The following CNTNAP4 variants were observed in gnomAD, a reference collection of about 807,000 sequenced individuals.
CNTNAP4 encodes the protein contactin associated protein family member 4.
CNTNAP4 carries 98 observed loss-of-function variants against 148.4 expected under a neutral mutation model. The observed-to-expected ratio is 0.66, with a 90% CI of 0.56 to 0.78. CNTNAP4 has a LOEUF of 0.78. CNTNAP4 is among the 30% of genes least tolerant of loss of function. The pLI is 0.00. For missense variants in CNTNAP4, 1,935 were observed against 1,565.6 expected (o/e 1.24, Z -3.98); for synonymous variants, 730 against 565.1 (o/e 1.29, Z -4.14).
intron 23 of CNTNAP4, chr16:76,557,607 C>G (rs1428476031): frequency 6.6e-6 from 1 of 152,104 alleles, no homozygotes; most frequent in Non-Finnish European, 1.5e-5. Flanking sequence ...CTACAATTGT[C>G]TGGCAGTGTA....
intron 2 of CNTNAP4, among the ~76,000 whole-genome samples, chr16:76,318,635 A>G (rs1962064181): frequency 6.6e-6 from 1 of 151,350 alleles, no homozygotes. Context: ...TCAGTGATTT[A>G]TTAAAGGCTA....
intron 12 of CNTNAP4, among the ~76,000 whole-genome samples, chr16:76,482,008 T>A (rs957379406): frequency 8.8e-5 from 9 of 102,046 alleles, no homozygotes; most frequent in African/African-American, 1.5e-4. Flanking sequence ...TTTATTTTTT[T>A]ATTTTTTTTT....
intron 2 of CNTNAP4, among the ~76,000 whole-genome samples, chr16:76,326,233 A>T (rs930656309): frequency 6.6e-6 from 1 of 152,326 alleles, no homozygotes; most frequent in African/African-American, 2.4e-5. Flanking sequence ...TAAACAAAAT[A>T]CTAGCGTACA....
intron 4 of CNTNAP4, among the ~76,000 whole-genome samples, chr16:76,436,056 C>T (rs2079813832): frequency 6.6e-6 from 1 of 152,070 alleles, no homozygotes; most frequent in Admixed American, 6.6e-5. Context: ...CCCGCCAGGA[C>T]TTTAGTCTAG....
intron 1 of CNTNAP4, among the ~76,000 whole-genome samples, chr16:76,290,599 A>G (rs910640256): frequency 6.6e-6 from 1 of 152,148 alleles, no homozygotes; most frequent in African/African-American, 2.4e-5. Flanking sequence ...AACAATTTCA[A>G]GAAAAGGGTA....
chr16:76,353,900 C>T (rs1041243161), intron 2 of CNTNAP4, among the ~76,000 whole-genome samples: 5 of 152,168 alleles, frequency 3.3e-5, no homozygotes, highest in Non-Finnish European at 7.3e-5. Context: ...GGCATACGCC[C>T]TACCATAACA....
In CNTNAP4 at chr16:76,497,775, T is replaced by A. The variant is rs547670237; in HGVS notation, c.2238-792T>A. On this transcript the variant is annotated intron_variant, in intron 14 of 23. Coordinates refer to ENST00000611870, the MANE Select transcript of CNTNAP4 (RefSeq NM_033401.5). ...GGTTGATGGGTGCAGCAAACTACCA[T>A]GGCCCGTGTATACCTGAGTAACAAA... is the stretch of plus-strand genomic sequence containing the variant. Among the ~76,000 whole-genome samples the A allele has an allele frequency of 4.6e-5, 7 of 152,206 alleles. 1 individual carries two copies. In the South Asian group the frequency reaches 1.5e-3, roughly 32 times the overall value.
intron 2 of CNTNAP4, among the ~76,000 whole-genome samples, chr16:76,330,365 G>A (rs1281221711): frequency 6.6e-6 from 1 of 152,056 alleles, no homozygotes; most frequent in African/African-American, 2.4e-5. Context: ...TCTATGCAAG[G>A]TTATTTAGGA....
chr16:76,289,944 T>A (rs896950551), intron 1 of CNTNAP4, among the ~76,000 whole-genome samples: 1 of 152,222 alleles, frequency 6.6e-6, no homozygotes, highest in African/African-American at 2.4e-5. Context: ...GTATTTAGAT[T>A]CTGCTCACGT....
intron 15 of CNTNAP4, among the ~76,000 whole-genome samples, chr16:76,503,450 A>G (rs1278674633): frequency 6.6e-6 from 1 of 152,252 alleles, no homozygotes; most frequent in Non-Finnish European, 1.5e-5. Flanking sequence ...CTTTCTAGGT[A>G]GAAAATCTCA....
At chr16:76,315,470 G>A (rs923595310) in intron 1 of CNTNAP4, among the ~76,000 whole-genome samples, 2 of 152,196 alleles carry the variant, frequency 1.3e-5, no homozygotes, top group African/African-American at 2.4e-5. Context: ...CACGAGCAAT[G>A]TGTCAGAGTT....
At chr16:76,365,051 A>G (rs1016454459) in intron 3 of CNTNAP4, among the ~76,000 whole-genome samples, 1 of 152,144 alleles carries the variant, frequency 6.6e-6, no homozygotes, top group Non-Finnish European at 1.5e-5. Context: ...TAATTTTTGC[A>G]TAAGGTGTGA....
intron 1 of CNTNAP4, among the ~76,000 whole-genome samples, chr16:76,314,660 A>C (rs908901324): frequency 3.3e-5 from 5 of 152,210 alleles, no homozygotes; most frequent in South Asian, 4.1e-4. Flanking sequence ...AAACGTTATC[A>C]ATCGGTTCCC....
intron 3 of CNTNAP4, among the ~76,000 whole-genome samples, chr16:76,416,066 C>G (rs184863577): frequency 6.6e-6 from 1 of 150,810 alleles, no homozygotes; most frequent in African/African-American, 2.4e-5. Context: ...TTATCTTCTG[C>G]CTTTCTTCTT....
intron 15 of CNTNAP4, among the ~76,000 whole-genome samples, chr16:76,516,083 C>G (rs1198502011): frequency 2.0e-5 from 3 of 151,670 alleles, no homozygotes; most frequent in African/African-American, 7.3e-5. Context: ...TTAATGCTGT[C>G]CCTCCCCTTG....
intron 8 of CNTNAP4, among the ~76,000 whole-genome samples, chr16:76,455,319 T>G (rs2080684100): frequency 6.6e-6 from 1 of 152,218 alleles, no homozygotes; most frequent in Admixed American, 6.5e-5. Context: ...AAAATCAGGC[T>G]TATAACCATG....
intron 9 of CNTNAP4, among the ~76,000 whole-genome samples, chr16:76,464,181 C>G (rs1446806437): frequency 6.6e-6 from 1 of 152,184 alleles, no homozygotes; most frequent in African/African-American, 2.4e-5. Context: ...TTCCAAGAAG[C>G]CCACTTAGGG....
chr16:76,400,624 C>G (rs192585218), intron 3 of CNTNAP4, among the ~76,000 whole-genome samples: 1 of 152,028 alleles, frequency 6.6e-6, no homozygotes, highest in Non-Finnish European at 1.5e-5. Flanking sequence ...CATTGTATGT[C>G]CAGGATGGTG....
rs532197341 is a variant in CNTNAP4 at position 76,390,873 on chromosome 16, A to T, written c.390+35362A>T. Among the ~76,000 whole-genome samples, 705 of 151,908 alleles carry T rather than the reference A, an allele frequency of 4.6e-3. 2 individuals are homozygous for T. The highest frequency in any genetic ancestry group is 0.016 in the African/African-American group (643 of 41,426). ...AACTGTTTTTTTTCTTTTTTAAAAA[A>T]TTTTTTGTGGGTACATAATTGGTGT... On this transcript the variant is annotated intron_variant, in intron 3 of 23. Coordinates refer to ENST00000611870, the MANE Select transcript of CNTNAP4 (RefSeq NM_033401.5).
Sources: allele counts gnomAD v4.1 joint callset (sites outside exome capture counted in the v4.1 genomes callset), GRCh38; gene constraint gnomAD v4.1.1; transcripts MANE v1.5; gene names NCBI Gene and HGNC (gene_info 2026-07-23, HGNC 2026-07-21).